Variants in YY1 observed in about 807,000 individuals in gnomAD.
The protein encoded by YY1 is transcriptional repressor protein YY1.
In YY1, 2 loss-of-function variants were observed where a neutral mutation model predicts 35.6. That is an observed-to-expected ratio of 0.06 (90% CI 0.02 to 0.18). YY1 has a LOEUF of 0.18. YY1 is among the 10% of genes least tolerant of loss of function. The probability of loss-of-function intolerance (pLI) is 1.00; values close to 1 mark genes in which losing one functional copy is unlikely to be tolerated. For missense variants in YY1, 322 were observed against 573.4 expected (o/e 0.56, Z 4.48); for synonymous variants, 268 against 238.9 (o/e 1.12, Z -1.12).
chr14:100,246,448 C>T (rs1209434305), intron 1 of YY1, among the ~76,000 whole-genome samples: 1 of 152,176 alleles, frequency 6.6e-6, no homozygotes, highest in African/African-American at 2.4e-5. Context: ...GGGTAGAGAA[C>T]CCTTGTTTGG....
chr14:100,252,944 G>A (rs906154558), intron 1 of YY1, among the ~76,000 whole-genome samples: 2 of 152,104 alleles, frequency 1.3e-5, no homozygotes, highest in African/African-American at 4.8e-5. Context: ...GTGGAGTGGG[G>A]TTGCTGGAGG....
intron 1 of YY1, among the ~76,000 whole-genome samples, chr14:100,260,410 G>A (rs912022579): frequency 6.7e-6 from 1 of 148,580 alleles, no homozygotes; most frequent in East Asian, 2.0e-4. Flanking sequence ...AATTATATGG[G>A]GTCTGAATAT....
At chr14:100,245,414 T>G (rs1320631160) in intron 1 of YY1, among the ~76,000 whole-genome samples, 1 of 152,166 alleles carries the variant, frequency 6.6e-6, no homozygotes, top group African/African-American at 2.4e-5. Context: ...CCTGAGTAAC[T>G]GGGACTACAG....
chr14:100,271,299 G>C (rs1891235399), intron 2 of YY1, among the ~76,000 whole-genome samples: 1 of 152,230 alleles, frequency 6.6e-6, no homozygotes, highest in South Asian at 2.1e-4. Context: ...TGTTTGAGTG[G>C]AATAGAGACC....
intron 2 of YY1, among the ~76,000 whole-genome samples, chr14:100,263,545 C>A (rs1013872297): frequency 8.5e-5 from 13 of 152,158 alleles, no homozygotes; most frequent in Admixed American, 6.5e-4. Context: ...GAAAATACCA[C>A]AAAGATGTAA....
In YY1 at chr14:100,239,641, A is replaced by G; in HGVS notation, c.397A>G (p.Ile133Val). 6.2e-7 allele frequency: 1 copy of G among 1,610,680 alleles called. No homozygotes were observed. The highest frequency in any genetic ancestry group is 8.5e-7 in the Non-Finnish European group (1 of 1,179,470). Residue 133 changes from isoleucine to valine, a missense_variant, in exon 1 of 5, where the codon ATC becomes GTC. This residue lies in a region of YY1 where 152 missense variants were observed against 167.1 expected (regional missense o/e 0.91). Transcript: ENST00000262238. ...GGACGGCTTCGAGGATCAGATTCTC[A>G]TCCCGGTGCCCGCGCCGGCCGGCGG... is the stretch of plus-strand genomic sequence containing the variant. The part of the protein sequence containing the change: ...AEDGFEDQIL[I>V]PVPAPAGGDD...
Position 100,239,488 on chromosome 14 carries a change from C to T in YY1, c.244C>T (p.Pro82Ser), listed in dbSNP as rs773201959. The T allele has an allele frequency of 3.1e-6, 5 of 1,607,950 alleles. No homozygotes were observed. Among genetic ancestry groups the T allele is most frequent in the Non-Finnish European group, 4.2e-6 (5 of 1,178,512 alleles). ...HHHHHHHHHPPMIALQPLVTD... is the reference protein window; with the variant it reads ...HHHHHHHHHPSMIALQPLVTD... ...CCACCATCACCACCACCACCACCCGCCCATGATCGCTCTGCAGCCGCTGGT... is the reference window on the plus strand; with the variant it reads ...CCACCATCACCACCACCACCACCCGTCCATGATCGCTCTGCAGCCGCTGGT... The change falls in exon 1 of 5, where the codon CCC (proline) becomes TCC (serine). Residue 82 changes from proline to serine, a missense_variant. Physicochemically the swap from Pro to Ser is moderately conservative, Grantham distance 74. This residue lies in a region of YY1 where 137 missense variants were observed against 167.0 expected (regional missense o/e 0.82). Transcript: ENST00000262238.
In YY1 at chr14:100,276,516, C is replaced by T; in HGVS notation, c.930C>T (p.Asn310=). Residue 310 remains asparagine (N), a synonymous_variant, in exon 4 of 5, where the codon AAC becomes AAT. Coordinates refer to ENST00000262238, the MANE Select transcript of YY1 (RefSeq NM_003403.5). This position sits in a 1 kb window ranked among gnomAD's most constrained non-coding sequence, Gnocchi z 4.1. ...GCTGCACAAAGATGTTCAGGGATAA[C>T]TCGGCCATGAGAAAACATCTGCACA... ...HKGCTKMFRD[N]SAMRKHLHTH... 6.2e-7 allele frequency: 1 copy of T among 1,614,234 alleles called. No individual in the cohort carries two copies. Among genetic ancestry groups the T allele is most frequent in the African/African-American group, 1.3e-5 (1 of 75,044 alleles).
intron 2 of YY1, among the ~76,000 whole-genome samples, chr14:100,263,366 G>A (rs1243963040): frequency 2.0e-5 from 3 of 152,202 alleles, no homozygotes; most frequent in Non-Finnish European, 4.4e-5. Context: ...ATTTAAGCTG[G>A]CATGACAGGA....
At position 100,239,381 on chromosome 14, in the gene YY1, A is replaced by G; in HGVS notation, c.137A>G (p.Glu46Gly). 1 of 1,599,604 alleles carries G rather than the reference A, an allele frequency of 6.3e-7. No individual in the cohort carries two copies. The highest frequency in any genetic ancestry group is 8.5e-7 in the Non-Finnish European group (1 of 1,174,330). Reference sequence around the variant, plus strand: ...ACCACAGTGGTGGGCGAGGAGGAGGAGGAGGACGACGACGACGAGGACGGC... The same window carrying G: ...ACCACAGTGGTGGGCGAGGAGGAGGGGGAGGACGACGACGACGAGGACGGC... ...IETTVVGEEEEEDDDDEDGGG... is the reference protein window; with the variant it reads ...IETTVVGEEEGEDDDDEDGGG... The change falls in exon 1 of 5, where the codon GAG becomes GGG. Residue 46 changes from glutamate to glycine, a missense_variant. Physicochemically the swap from Glu to Gly is moderately conservative, Grantham distance 98. Transcript: ENST00000262238.
intron 3 of YY1, chr14:100,275,879 A>G: frequency 6.2e-6 from 1 of 161,314 alleles, no homozygotes; most frequent in Non-Finnish European, 1.4e-5. Context: ...CCCGCCCTGC[A>G]CTGGTATCAA....
At chr14:100,251,611 TTAAACCTA>T (rs1890925306) in intron 1 of YY1, among the ~76,000 whole-genome samples, 2 of 152,212 alleles carry the variant, frequency 1.3e-5, no homozygotes, top group Non-Finnish European at 2.9e-5. Context: ...CTGTTCCCCC[TTAAACCTA>T]GGAGAGGGGG....
At chr14:100,272,573 A>AT (rs1436586499) in intron 2 of YY1, among the ~76,000 whole-genome samples, 5 of 151,258 alleles carry the variant, frequency 3.3e-5, no homozygotes, top group African/African-American at 4.8e-5. Flanking sequence ...TTTAAGGAGT[A>AT]TTTTTTTTGT....
At chr14:100,247,699 T>C (rs1234533089) in intron 1 of YY1, among the ~76,000 whole-genome samples, 2 of 152,222 alleles carry the variant, frequency 1.3e-5, no homozygotes, top group African/African-American at 4.8e-5. Flanking sequence ...TGATGGACTT[T>C]CATAACAGCA....
rs1566782763 is a variant in YY1, at chr14:100,277,388, G to A, written c.1063-30G>A. On this transcript the variant is annotated intron_variant, in intron 4 of 4. Coordinates refer to ENST00000262238, the MANE Select transcript of YY1 (RefSeq NM_003403.5). This position sits in a 1 kb window ranked among gnomAD's most constrained non-coding sequence, Gnocchi z 5.6. ...CCCAGGGTCTGGTCAGAGTTGCTGA[G>A]TGGGTTGATCTCTGGTCTTTCCTTG... The A allele has an allele frequency of 1.9e-6, 3 of 1,614,124 alleles. No individual in the cohort carries two copies. The highest frequency in any genetic ancestry group is 2.2e-5 in the East Asian group (1 of 44,886).
intron 1 of YY1, among the ~76,000 whole-genome samples, chr14:100,252,463 G>A (rs149506952): frequency 6.6e-6 from 1 of 152,272 alleles, no homozygotes; most frequent in Admixed American, 6.5e-5. Flanking sequence ...GCTAGATTTT[G>A]TTTTTCCACA....
rs775418554 is a variant in YY1, at chr14:100,239,472, C to T, written c.228C>T (p.His76=). 2.5e-6 allele frequency: 4 copies of T among 1,585,758 alleles called. No individual in the cohort carries two copies. In the Admixed American group the frequency reaches 6.8e-5, roughly 27 times the overall value. ...CCGGCCACCACCACCACCACCATCACCACCACCACCACCCGCCCATGATCG... is the reference window on the plus strand; with the variant it reads ...CCGGCCACCACCACCACCACCATCATCACCACCACCACCCGCCCATGATCG... The part of the protein sequence containing the change: ...GHAGHHHHHH[H]HHHHPPMIAL... Residue 76 remains histidine, a synonymous_variant, in exon 1 of 5, where the codon CAC becomes CAT. Transcript: ENST00000262238.
chr14:100,274,362 T>C (rs1891290080), intron 2 of YY1, among the ~76,000 whole-genome samples: 2 of 152,188 alleles, frequency 1.3e-5, no homozygotes, highest in South Asian at 4.1e-4. Context: ...AGTTGATTTT[T>C]TGTGTTTTTT....
At chr14:100,243,857 G>A (rs1890787644) in intron 1 of YY1, among the ~76,000 whole-genome samples, 1 of 151,706 alleles carries the variant, frequency 6.6e-6, no homozygotes, top group Non-Finnish European at 1.5e-5. Flanking sequence ...TGTAATCCCA[G>A]CACTTTGGGA....
Sources: gnomAD v4.1 joint callset for allele counts (sites outside exome capture counted in the v4.1 genomes callset) on GRCh38, gnomAD v4.1.1 for gene constraint, gnomAD v4.1.1 regional missense constraint, Gnocchi (gnomAD v3.1) non-coding constraint, MANE v1.5 for transcripts, NCBI Gene and HGNC (gene_info 2026-07-23, HGNC 2026-07-21) for gene names.